KALRN: variants seen among roughly 807,000 people sequenced by gnomAD.
KALRN encodes the protein kalirin RhoGEF kinase.
KALRN carries 70 observed loss-of-function variants against 353.7 expected under a neutral mutation model. The observed-to-expected ratio is 0.20, with a 90% CI of 0.16 to 0.24. The LOEUF (loss-of-function observed/expected upper bound fraction) is 0.24, where lower values mean the gene tolerates loss of function less well. KALRN is among the 10% of genes least tolerant of loss of function. The pLI, the probability that KALRN is intolerant of heterozygous loss-of-function variation, is 1.00. For missense variants in KALRN, 2,791 were observed against 3,756.7 expected, an observed-to-expected ratio of 0.74 and a Z score of 6.72; for synonymous variants, 1,391 against 1,434.8, an observed-to-expected ratio of 0.97 and a Z score of 0.69.
At chr3:124,102,797 G>A (rs2149441951) in intron 1 of KALRN, among the ~76,000 whole-genome samples, 1 of 152,290 alleles carries the variant, frequency 6.6e-6, no homozygotes, top group East Asian at 1.9e-4. Flanking sequence ...AATAACTTTG[G>A]CTAACAGAGT....
At chr3:124,701,380 CTTTCTTTCTTTTTTT>C (rs934332656) in intron 56 of KALRN, among the ~76,000 whole-genome samples, 12 of 134,978 alleles carry the variant, frequency 8.9e-5, no homozygotes, top group Non-Finnish European at 1.9e-4. Flanking sequence ...CTTTTTCTTT[CTTTCTTTCTTTTTTT>C]TTTTTTTTTG....
At chr3:124,368,145 C>T (rs867786892) in intron 10 of KALRN, among the ~76,000 whole-genome samples, 2 of 78,950 alleles carry the variant, frequency 2.5e-5, no homozygotes, top group Non-Finnish European at 2.5e-5. Context: ...GGGGGCTGAC[C>T]CCCCCCACCT....
At chr3:124,077,892 C>T (rs1162522047) in intron 1 of KALRN, among the ~76,000 whole-genome samples, 1 of 152,202 alleles carries the variant, frequency 6.6e-6, no homozygotes, top group African/African-American at 2.4e-5. Context: ...TGCCACTTAT[C>T]AACTGTGACA....
intron 1 of KALRN, among the ~76,000 whole-genome samples, chr3:124,099,599 ATAG>A (rs1437330984): frequency 3.3e-5 from 5 of 152,134 alleles, no homozygotes; most frequent in African/African-American, 1.2e-4. Flanking sequence ...GCTGGATTGT[ATAG>A]TAGTTCTATT....
At chr3:124,294,857 C>G (rs369819098) in intron 5 of KALRN, among the ~76,000 whole-genome samples, 3 of 152,078 alleles carry the variant, frequency 2.0e-5, no homozygotes, top group Non-Finnish European at 4.4e-5. Context: ...CCAAATTGTG[C>G]GTATTATAAA....
intron 47 of KALRN, 36 bp downstream of exon 47, chr3:124,667,219 C>T (rs960712884): frequency 6.3e-7 from 1 of 1,583,928 alleles, no homozygotes; most frequent in Non-Finnish European, 8.6e-7. Flanking sequence ...AGGGCTGTGT[C>T]AGGGGACTCC....
chr3:124,363,077 C>T (rs1276099375), intron 10 of KALRN, among the ~76,000 whole-genome samples: 1 of 151,982 alleles, frequency 6.6e-6, no homozygotes, highest in Non-Finnish European at 1.5e-5. Flanking sequence ...TCACATTACT[C>T]TAAAAATATG....
intron 1 of KALRN, among the ~76,000 whole-genome samples, chr3:124,208,799 TATAA>T (rs2076641861): frequency 6.6e-6 from 1 of 151,984 alleles, no homozygotes. Context: ...GTCCCATCTC[TATAA>T]AAAATTTAAA....
intron 34 of KALRN, among the ~76,000 whole-genome samples, chr3:124,599,343 G>C (rs2076575925): frequency 6.6e-6 from 1 of 152,120 alleles, no homozygotes. Flanking sequence ...GAACCTCTGA[G>C]GAACCTGTAC....
chr3:124,487,304 A>G (rs2062671341), intron 28 of KALRN, among the ~76,000 whole-genome samples: 1 of 152,178 alleles, frequency 6.6e-6, no homozygotes, highest in Non-Finnish European at 1.5e-5. Context: ...GATACTATAT[A>G]TCTTTTATGG....
intron 1 of KALRN, among the ~76,000 whole-genome samples, chr3:124,194,548 C>T (rs2075248946): frequency 6.6e-6 from 1 of 152,116 alleles, no homozygotes; most frequent in Admixed American, 6.5e-5. Flanking sequence ...ATTAAACATT[C>T]CCCCAGGTGA....
chr3:124,388,515 C>T (rs1445632), intron 11 of KALRN, among the ~76,000 whole-genome samples: 26,402 of 151,934 alleles, frequency 0.17, 2,356 homozygotes, highest in Admixed American at 0.2. Context: ...GTCTGATACA[C>T]AGAGGTGCTC....
At chr3:124,577,885 A>G (rs1561326655) in intron 34 of KALRN, among the ~76,000 whole-genome samples, 1 of 152,070 alleles carries the variant, frequency 6.6e-6, no homozygotes, top group Non-Finnish European at 1.5e-5. Context: ...AAACAAACAA[A>G]CAAACAAAAC....
At chr3:124,623,896 ATTCTG>A (rs2079617017) in intron 34 of KALRN, among the ~76,000 whole-genome samples, 1 of 152,214 alleles carries the variant, frequency 6.6e-6, no homozygotes, top group Non-Finnish European at 1.5e-5. Flanking sequence ...CCTAGGCTTT[ATTCTG>A]ATTTTTGTCT....
At chr3:124,254,422 CAAAAAAAAAAAAAA>C (rs35522040) in intron 3 of KALRN, among the ~76,000 whole-genome samples, 15 of 121,274 alleles carry the variant, frequency 1.2e-4, no homozygotes, top group Admixed American at 1.6e-4. Context: ...ATCTATGAAG[CAAAAAAAAAAAAAA>C]AAAAAAAAAA....
chr3:124,171,899 G>A (rs1402234490), intron 1 of KALRN, among the ~76,000 whole-genome samples: 1 of 152,118 alleles, frequency 6.6e-6, no homozygotes, highest in Non-Finnish European at 1.5e-5. Context: ...GGTATCTTAA[G>A]CTCTCTCTCC....
At chr3:124,627,216 C>G (rs1038651661) in intron 34 of KALRN, among the ~76,000 whole-genome samples, 8 of 152,184 alleles carry the variant, frequency 5.3e-5, no homozygotes, top group African/African-American at 1.9e-4. Flanking sequence ...TGGAAATGGT[C>G]TTATCCCAAG....
chr3:124,148,007 G>T (rs1046604913), intron 1 of KALRN, among the ~76,000 whole-genome samples: 3 of 152,158 alleles, frequency 2.0e-5, no homozygotes, highest in African/African-American at 7.2e-5. Flanking sequence ...GGTGAGATTT[G>T]TCTGTCCCCT....
intron 3 of KALRN, among the ~76,000 whole-genome samples, chr3:124,262,143 C>G (rs1181051829): frequency 6.6e-6 from 1 of 152,056 alleles, no homozygotes; most frequent in Non-Finnish European, 1.5e-5. Flanking sequence ...GTTGACATAC[C>G]TTTCTGTAAA....
Sources: gnomAD v4.1 joint callset for allele counts (sites outside exome capture counted in the v4.1 genomes callset) on GRCh38, gnomAD v4.1.1 for gene constraint, MANE v1.5 for transcripts, NCBI Gene and HGNC (gene_info 2026-07-23, HGNC 2026-07-21) for gene names.